Variants in MYRIP observed in about 807,000 individuals in gnomAD.
The protein encoded by MYRIP is rab effector MyRIP.
In MYRIP, 49 loss-of-function variants were observed where a neutral mutation model predicts 98.0. The ratio of observed to expected loss-of-function variants is 0.50; its 90% CI spans 0.40 to 0.63. MYRIP has a LOEUF of 0.63. MYRIP is among the 30% of genes least tolerant of loss of function. The pLI, the probability that MYRIP is intolerant of heterozygous loss-of-function variation, is 0.00. For synonymous variants in MYRIP, 404 were observed against 409.5 expected, an observed-to-expected ratio of 0.99 and a Z score of 0.16; for missense variants, 1,004 against 1,058.2, an observed-to-expected ratio of 0.95 and a Z score of 0.71.
chr3:40,249,620 C>T (rs978361613), intron 13 of MYRIP, among the ~76,000 whole-genome samples: 1 of 152,170 alleles, frequency 6.6e-6, no homozygotes, highest in African/African-American at 2.4e-5. Flanking sequence ...TTCTTACTTT[C>T]CATTTCTGCA....
chr3:40,108,606 A>G (rs1336994402), intron 3 of MYRIP, among the ~76,000 whole-genome samples: 1 of 152,248 alleles, frequency 6.6e-6, no homozygotes, highest in Non-Finnish European at 1.5e-5. Flanking sequence ...AGTGCATTTC[A>G]GAAACAATGA....
At chr3:40,201,314 A>G (rs937087330) in intron 10 of MYRIP, among the ~76,000 whole-genome samples, 4 of 152,158 alleles carry the variant, frequency 2.6e-5, no homozygotes, top group African/African-American at 9.7e-5. Context: ...CAGATAGGAG[A>G]TTAGTAATGA....
At chr3:40,127,778 CCTGT>C (rs1156592263) in intron 3 of MYRIP, among the ~76,000 whole-genome samples, 1 of 152,182 alleles carries the variant, frequency 6.6e-6, no homozygotes, top group East Asian at 1.9e-4. Flanking sequence ...CAGCGTATTT[CCTGT>C]CTCTCTGCCT....
intron 11 of MYRIP, among the ~76,000 whole-genome samples, chr3:40,211,889 G>T (rs1303180626): frequency 6.6e-6 from 1 of 151,848 alleles, no homozygotes; most frequent in Non-Finnish European, 1.5e-5. Context: ...CTACTGGGGG[G>T]ACTTCCTGGG....
chr3:39,978,443 G>A (rs911938343), intron 2 of MYRIP, among the ~76,000 whole-genome samples: 1 of 152,170 alleles, frequency 6.6e-6, no homozygotes, highest in Non-Finnish European at 1.5e-5. Flanking sequence ...TCTCTTGTCT[G>A]CCTGTCATTA....
At chr3:39,810,024 C>G (rs1444099220) in intron 1 of MYRIP, 108 bp downstream of exon 1, 3 of 152,326 alleles carry the variant, frequency 2.0e-5, no homozygotes, top group Non-Finnish European at 4.4e-5. Context: ...GGAGGTGTCT[C>G]TCACGCTCCC....
intron 1 of MYRIP, among the ~76,000 whole-genome samples, chr3:39,851,404 G>T (rs1480676599): frequency 6.6e-6 from 1 of 152,142 alleles, no homozygotes; most frequent in Non-Finnish European, 1.5e-5. Context: ...TTCTCAATTA[G>T]GGAAGTCACA....
chr3:40,213,569 AC>A (rs1293615421), intron 11 of MYRIP, among the ~76,000 whole-genome samples: 2 of 152,018 alleles, frequency 1.3e-5, no homozygotes, highest in Non-Finnish European at 2.9e-5. Flanking sequence ...ATCAGAGTTA[AC>A]TGTGATGTCC....
intron 9 of MYRIP, among the ~76,000 whole-genome samples, chr3:40,185,760 G>A (rs1175717990): frequency 6.6e-6 from 1 of 152,078 alleles, no homozygotes; most frequent in Non-Finnish European, 1.5e-5. Context: ...TTATAACATG[G>A]TCAACCCTAG....
At chr3:40,157,053 G>A (rs1409538521) in intron 4 of MYRIP, among the ~76,000 whole-genome samples, 2 of 151,178 alleles carry the variant, frequency 1.3e-5, no homozygotes, top group East Asian at 3.9e-4. Flanking sequence ...TGGTGAGAGA[G>A]GGCATCCCTG....
At chr3:39,820,394 G>GT (rs1207260567) in intron 1 of MYRIP, among the ~76,000 whole-genome samples, 5 of 152,046 alleles carry the variant, frequency 3.3e-5, no homozygotes, top group Non-Finnish European at 7.4e-5. Context: ...TTGTTTGTTT[G>GT]TTTCCTGAAG....
intron 2 of MYRIP, among the ~76,000 whole-genome samples, chr3:39,971,533 A>G (rs569692878): frequency 6.6e-6 from 1 of 152,124 alleles, no homozygotes; most frequent in Non-Finnish European, 1.5e-5. Flanking sequence ...TTAAAAATTC[A>G]TCTTGGAGAA....
At chr3:39,976,977 C>G (rs1452788696) in intron 2 of MYRIP, among the ~76,000 whole-genome samples, 1 of 152,082 alleles carries the variant, frequency 6.6e-6, no homozygotes, top group Non-Finnish European at 1.5e-5. Flanking sequence ...AGGACACCAA[C>G]ATGGACATGT....
intron 4 of MYRIP, among the ~76,000 whole-genome samples, chr3:40,151,432 T>C (rs1950117792): frequency 6.6e-6 from 1 of 152,220 alleles, no homozygotes. Context: ...CAAGTACTTC[T>C]ACAAATTGTG....
chr3:40,173,859 C>T (rs1474230080), intron 8 of MYRIP: 1 of 152,250 alleles, frequency 6.6e-6, no homozygotes, highest in Non-Finnish European at 1.5e-5. Context: ...CACCTGCCTC[C>T]TGCACAGCAT....
intron 2 of MYRIP, among the ~76,000 whole-genome samples, chr3:39,971,854 G>A (rs931392103): frequency 6.6e-6 from 1 of 152,056 alleles, no homozygotes; most frequent in Admixed American, 6.6e-5. Flanking sequence ...TTTTGTTACA[G>A]TTTATCATAT....
At position 40,259,559 on chromosome 3, in the gene MYRIP, T is replaced by C. The variant is rs1264017681; in HGVS notation, c.*1393T>C. 1 of 152,238 alleles carries C rather than the reference T, an allele frequency of 6.6e-6. No homozygotes were observed. 9.4% of individuals were successfully genotyped at this position (152,238 alleles called of 1,614,324 possible). ...CAAAGCCACACCTTTATGCTAATTA[T>C]GATTGGAATGCATCACAAAAGCCTA... On this transcript the variant is annotated 3_prime_UTR_variant, in exon 17 of 17. Transcript: ENST00000302541.
chr3:39,938,408 T>C (rs562021016), intron 2 of MYRIP, among the ~76,000 whole-genome samples: 4 of 152,310 alleles, frequency 2.6e-5, no homozygotes, highest in African/African-American at 9.6e-5. Flanking sequence ...GTTTCTAGTT[T>C]GGGTCTCTTA....
chr3:40,238,692 C>CTCAGA (rs1952897429), intron 12 of MYRIP: 1 of 152,102 alleles, frequency 6.6e-6, no homozygotes, highest in Non-Finnish European at 1.5e-5. Flanking sequence ...TCCCCAGGAC[C>CTCAGA]TCAGATTGGC....
Sources: allele counts gnomAD v4.1 joint callset (sites outside exome capture counted in the v4.1 genomes callset), GRCh38; gene constraint gnomAD v4.1.1; transcripts MANE v1.5; gene names NCBI Gene and HGNC (gene_info 2026-07-23, HGNC 2026-07-21).